The following TTC28 variants were observed in gnomAD, a reference collection of about 807,000 sequenced individuals.
The protein encoded by TTC28 is tetratricopeptide repeat protein 28.
A neutral mutation model predicts 198.0 loss-of-function variants in TTC28; 61 were observed. That is an observed-to-expected ratio of 0.31 (90% confidence interval 0.25 to 0.38). The LOEUF is 0.38. TTC28 is among the 10% of genes least tolerant of loss of function. The pLI is 1.00. For synonymous variants in TTC28, 1,171 were observed against 1,297.8 expected (o/e 0.90, Z 2.10); for missense variants, 2,678 against 3,164.0 (o/e 0.85, Z 3.69).
At chr22:28,190,095 G>T (rs1189182557) in intron 5 of TTC28, among the ~76,000 whole-genome samples, 2 of 152,134 alleles carry the variant, frequency 1.3e-5, no homozygotes, top group African/African-American at 2.4e-5. Flanking sequence ...GGTCACCATG[G>T]TCACACAGCT....
chr22:28,182,688 G>GGAT (rs1180284624), intron 5 of TTC28, among the ~76,000 whole-genome samples: 2 of 152,122 alleles, frequency 1.3e-5, no homozygotes, highest in East Asian at 3.8e-4. Context: ...GAAATGCATG[G>GGAT]CTTTTGAATG....
At chr22:28,583,763 A>G (rs749892225) in intron 2 of TTC28, among the ~76,000 whole-genome samples, 3 of 152,160 alleles carry the variant, frequency 2.0e-5, no homozygotes, top group Non-Finnish European at 4.4e-5. Context: ...AATAAATCTG[A>G]AGACTGGAGA....
intron 18 of TTC28, 101 bp from the exon 19 acceptor site, chr22:27,992,764 G>T: frequency 1.7e-6 from 2 of 1,186,944 alleles, no homozygotes; most frequent in South Asian, 1.5e-5. Flanking sequence ...TGGCATCGGT[G>T]GCATTTTTCA....
intron 12 of TTC28, among the ~76,000 whole-genome samples, chr22:28,077,136 A>C (rs1941195944): frequency 6.6e-6 from 1 of 151,918 alleles, no homozygotes; most frequent in Non-Finnish European, 1.5e-5. Flanking sequence ...TTAGGATTGC[A>C]CCTCTATTTA....
chr22:27,992,812 C>T, intron 18 of TTC28, 149 bp from the exon 19 acceptor site: 1 of 762,600 alleles, frequency 1.3e-6, no homozygotes, highest in Non-Finnish European at 2.1e-6. Context: ...TCTGTGTGTG[C>T]CTTGGAAAAG....
intron 1 of TTC28, among the ~76,000 whole-genome samples, chr22:28,670,704 C>CATATATATATATATATATATATATAT (rs146059811): frequency 6.9e-4 from 89 of 128,546 alleles, no homozygotes; most frequent in African/African-American, 1.1e-3. Flanking sequence ...GTCTTTAGGG[C>CATATATATATATATATATATATATAT]ATATATATAT....
intron 2 of TTC28, among the ~76,000 whole-genome samples, chr22:28,492,299 CAAAA>C (rs954409007): frequency 6.6e-6 from 1 of 150,428 alleles, no homozygotes; most frequent in African/African-American, 2.4e-5. Flanking sequence ...AATTAAAAGA[CAAAA>C]AAAAGAGAAA....
chr22:28,297,494 T>C (rs748468332), intron 4 of TTC28, 86 bp downstream of exon 4: 12 of 1,442,384 alleles, frequency 8.3e-6, no homozygotes, highest in Non-Finnish European at 1.1e-5. Context: ...GCGATCACTT[T>C]TCATTGCATA....
chr22:28,251,088 A>G (rs1215606776), intron 5 of TTC28, among the ~76,000 whole-genome samples: 1 of 152,222 alleles, frequency 6.6e-6, no homozygotes, highest in African/African-American at 2.4e-5. Context: ...GCTTTTAAGA[A>G]AGATGGCTAT....
chr22:28,656,802 T>C (rs947538999), intron 1 of TTC28, among the ~76,000 whole-genome samples: 7 of 152,072 alleles, frequency 4.6e-5, no homozygotes, highest in African/African-American at 7.2e-5. Context: ...TTAGGAGATA[T>C]ACCTAATGTA....
intron 8 of TTC28, among the ~76,000 whole-genome samples, chr22:28,103,580 T>C (rs574531821): frequency 6.6e-6 from 1 of 152,266 alleles, no homozygotes; most frequent in African/African-American, 2.4e-5. Flanking sequence ...CCTGCCCTCA[T>C]GAGAAGAGGC....
At chr22:28,435,690 T>A (rs1438354659) in intron 2 of TTC28, among the ~76,000 whole-genome samples, 1 of 152,212 alleles carries the variant, frequency 6.6e-6, no homozygotes, top group Non-Finnish European at 1.5e-5. Flanking sequence ...AGCTCCTGAA[T>A]AGTAAAGGTG....
At chr22:28,081,574 C>T (rs563267898) in intron 12 of TTC28, among the ~76,000 whole-genome samples, 1 of 151,606 alleles carries the variant, frequency 6.6e-6, no homozygotes, top group South Asian at 2.1e-4. Flanking sequence ...CTCACTGCAA[C>T]CTCTGCCTCC....
rs185870554 is a variant in TTC28 at position 28,083,953 on chromosome 22, G to A, written c.3932+10127C>T. The stretch of plus-strand genomic sequence containing the variant: ...TGAGATCAAACTGCAAGGCGGAAGC[G>A]AGGCTGTGGGAGGGGCGCCTGCCAT... On this transcript the variant is annotated intron_variant, in intron 12 of 22. Coordinates refer to ENST00000397906, the MANE Select transcript of TTC28 (RefSeq NM_001145418.2). Among the ~76,000 whole-genome samples, 163 of 152,380 alleles carry A rather than the reference G, an allele frequency of 1.1e-3. 1 individual carries two copies. The highest frequency in any genetic ancestry group is 2.7e-3 in the African/African-American group (114 of 41,598).
intron 12 of TTC28, among the ~76,000 whole-genome samples, chr22:28,043,887 A>T (rs1303971124): frequency 2.0e-5 from 3 of 152,182 alleles, no homozygotes; most frequent in African/African-American, 7.2e-5. Context: ...GCTGCACACC[A>T]GAGCAAGATG....
At chr22:27,993,551 A>C in intron 17 of TTC28, 33 bp from the exon 18 acceptor site, 1 of 1,510,652 alleles carries the variant, frequency 6.6e-7, no homozygotes, top group Non-Finnish European at 8.9e-7. Context: ...TCAGAGACCC[A>C]GGCCAGCCCT....
chr22:28,638,687 T>G (rs368036340), intron 1 of TTC28, among the ~76,000 whole-genome samples: 1 of 152,140 alleles, frequency 6.6e-6, no homozygotes, highest in African/African-American at 2.4e-5. Context: ...TTTAAACACA[T>G]TTTTTTAAAT....
chr22:28,424,151 G>T (rs896650761), intron 2 of TTC28, among the ~76,000 whole-genome samples: 5 of 151,916 alleles, frequency 3.3e-5, no homozygotes, highest in African/African-American at 1.2e-4. Context: ...ATATATTTAG[G>T]GTATACAACT....
At chr22:27,997,361 T>C (rs1937570686) in intron 16 of TTC28, 2 of 152,178 alleles carry the variant, frequency 1.3e-5, no homozygotes, top group African/African-American at 4.8e-5. Context: ...CTGTGAAAAA[T>C]ACTACAGTTG....
Sources: allele counts gnomAD v4.1 joint callset (sites outside exome capture counted in the v4.1 genomes callset), GRCh38; gene constraint gnomAD v4.1.1; transcripts MANE v1.5; gene names NCBI Gene and HGNC (gene_info 2026-07-23, HGNC 2026-07-21).